The following CECR2 variants were observed in gnomAD, a reference collection of about 807,000 sequenced individuals.
The protein encoded by CECR2 is CECR2 histone acetyl-lysine reader, also known as chromatin remodeling regulator CECR2.
CECR2 carries 30 observed loss-of-function variants against 154.5 expected under a neutral mutation model. That is an observed-to-expected ratio of 0.19 (90% confidence interval 0.15 to 0.26). CECR2 has a LOEUF of 0.26. Among genes scored for constraint, CECR2 ranks in the 10% least tolerant of loss-of-function variants. The pLI is 1.00. For missense variants in CECR2, 1,743 were observed against 1,829.3 expected, an observed-to-expected ratio of 0.95 and a Z score of 0.86; for synonymous variants, 725 against 683.7, an observed-to-expected ratio of 1.06 and a Z score of -0.94.
rs73389123 is a variant in CECR2, at chr22:17,492,435, G to A, written c.222-4968G>A. ...TGTGCTGGAACACTTGAATCAGGTC[G>A]TGCCGTCCTTGGTCTCAGCAGTAGA... is the stretch of plus-strand genomic sequence containing the variant. On this transcript the variant is annotated intron_variant, in intron 2 of 18. Transcript: ENST00000262608. Among the ~76,000 whole-genome samples the A allele has an allele frequency of 6.2e-3, 947 of 152,274 alleles. 9 individuals are homozygous for A. Among genetic ancestry groups the A allele is most frequent in the African/African-American group, 0.022 (902 of 41,550 alleles).
In CECR2 at chr22:17,491,182, C is replaced by T. The variant is rs190754882; in HGVS notation, c.222-6221C>T. ...AATTCTGCCGCTTTGAACATTTGTG[C>T]GCAAGTCTTTGTGTGGATGTGTTTT... On this transcript the variant is annotated intron_variant, in intron 2 of 18. Coordinates refer to ENST00000262608, the MANE Select transcript of CECR2 (RefSeq NM_001290047.2). 1.4e-3 allele frequency among the ~76,000 whole-genome samples: 212 copies of T among 152,218 alleles called. 1 individual carries two copies. Among genetic ancestry groups the T allele is most frequent in the Non-Finnish European group, 2.0e-3 (139 of 68,024 alleles).
chr22:17,383,485 C>T (rs1471212358), intron 1 of CECR2, among the ~76,000 whole-genome samples: 3 of 152,142 alleles, frequency 2.0e-5, no homozygotes, highest in African/African-American at 7.2e-5. Flanking sequence ...ACAGCATCTT[C>T]ACCAGGAATA....
Position 17,548,432 on chromosome 22 carries a change from A to C in CECR2, c.3145A>C (p.Arg1049=). The C allele has an allele frequency of 6.2e-7, 1 of 1,614,002 alleles. No individual in the cohort carries two copies. The highest frequency in any genetic ancestry group is 8.5e-7 in the Non-Finnish European group (1 of 1,179,882). ...GAGAGACCTCTCCACGGTGGCAGAC[A>C]GGGGCGCTCTATCCGAGAACGGAGT... ...CVRDLSTVAD[R]GALSENGVIG... Residue 1049 remains arginine (R), a synonymous_variant, in exon 17 of 19, where the codon AGG becomes CGG. Coordinates refer to ENST00000262608, the MANE Select transcript of CECR2 (RefSeq NM_001290047.2).
rs556781461 is a variant in CECR2, at chr22:17,540,843, T to TGAGTTCATA, written c.1884+45_1884+53dup. ...GACTGTTGCGGTTTCTCCTAGTTTG[T>TGAGTTCATA]GAGTTCATAGTAATGTAGAGGCCAT... On this transcript the variant is annotated intron_variant, in intron 14 of 18. Transcript: ENST00000262608. The TGAGTTCATA allele has an allele frequency of 8.2e-5, 123 of 1,500,300 alleles. 2 individuals are homozygous for TGAGTTCATA. The East Asian group carries it at 1.5e-3, about 18-fold the overall frequency. The allele number at this position is 1,500,300 out of a possible 1,614,324, so 92.9% of individuals were successfully genotyped here.
At chr22:17,412,790 G>A (rs2054086556) in intron 1 of CECR2, among the ~76,000 whole-genome samples, 1 of 152,128 alleles carries the variant, frequency 6.6e-6, no homozygotes, top group South Asian at 2.1e-4. Context: ...CTGGGTGAGG[G>A]GGATGGAACC....
chr22:17,466,343 T>G (rs1411019167), intron 1 of CECR2, among the ~76,000 whole-genome samples: 1 of 152,224 alleles, frequency 6.6e-6, no homozygotes, highest in Non-Finnish European at 1.5e-5. Context: ...TAAGCAAATT[T>G]CTGTTACTCA....
intron 1 of CECR2, among the ~76,000 whole-genome samples, chr22:17,407,098 A>T (rs2053995715): frequency 6.6e-6 from 1 of 152,232 alleles, no homozygotes; most frequent in Non-Finnish European, 1.5e-5. Flanking sequence ...TTGAAGTTTA[A>T]TGGGAAGCTT....
At chr22:17,534,852 T>G (rs2056413509) in intron 9 of CECR2, 1 of 129,400 alleles carries the variant, frequency 7.7e-6, no homozygotes. Context: ...AGTGAAACTC[T>G]GTCTCAAAAA....
chr22:17,525,643 G>A (rs542411611), intron 9 of CECR2, among the ~76,000 whole-genome samples: 2 of 152,300 alleles, frequency 1.3e-5, no homozygotes, highest in African/African-American at 4.8e-5. Context: ...TAATCTACAG[G>A]TTTAGCCTGT....
At chr22:17,477,231 G>A in intron 1 of CECR2, 1 of 693,030 alleles carries the variant, frequency 1.4e-6, no homozygotes. Context: ...GATTAAAATA[G>A]CAGTACAGCA....
chr22:17,374,611 G>A lies in CECR2; in HGVS notation c.126+4702G>A, dbSNP rs75977515. 6.9e-3 allele frequency among the ~76,000 whole-genome samples: 1,050 copies of A among 152,310 alleles called. 18 individuals carry two copies. Among genetic ancestry groups the A allele is most frequent in the African/African-American group, 0.024 (1,009 of 41,562 alleles). On this transcript the variant is annotated intron_variant, in intron 1 of 18. Coordinates refer to ENST00000262608, the MANE Select transcript of CECR2 (RefSeq NM_001290047.2). The stretch of plus-strand genomic sequence containing the variant: ...TAAGTTGGCCCCAATTAGGGGTTCA[G>A]AAGCCTACTTTTGTGACACAAGATG...
chr22:17,422,351 C>G (rs1224095395), intron 1 of CECR2, among the ~76,000 whole-genome samples: 2 of 152,116 alleles, frequency 1.3e-5, no homozygotes, highest in Non-Finnish European at 2.9e-5. Flanking sequence ...GCGCGCGCCA[C>G]CAGGCCCAGC....
intron 7 of CECR2, among the ~76,000 whole-genome samples, chr22:17,506,182 C>T (rs1170506442): frequency 6.6e-6 from 1 of 151,970 alleles, no homozygotes; most frequent in African/African-American, 2.4e-5. Flanking sequence ...CTCTATTTCC[C>T]AAGCTGGAGT....
chr22:17,509,381 C>T (rs1439388304), intron 7 of CECR2, among the ~76,000 whole-genome samples: 1 of 151,766 alleles, frequency 6.6e-6, no homozygotes, highest in African/African-American at 2.4e-5. Context: ...TGTCCTGTCC[C>T]TTGGATAAGT....
At chr22:17,397,442 A>T (rs576136649) in intron 1 of CECR2, among the ~76,000 whole-genome samples, 9 of 152,034 alleles carry the variant, frequency 5.9e-5, no homozygotes, top group Non-Finnish European at 7.4e-5. Flanking sequence ...TTGAGCTTTT[A>T]TATAGGTTAA....
chr22:17,392,846 C>A (rs2063340032), intron 1 of CECR2, among the ~76,000 whole-genome samples: 1 of 152,094 alleles, frequency 6.6e-6, no homozygotes, highest in African/African-American at 2.4e-5. Context: ...TCAAGACCAG[C>A]CTGGCCAACA....
intron 11 of CECR2, 30 bp from the exon 12 acceptor site, chr22:17,538,610 G>A: frequency 6.2e-7 from 1 of 1,613,566 alleles, no homozygotes; most frequent in African/African-American, 1.3e-5. Context: ...TCCTCTGTGA[G>A]TGTGTTAAGA....
chr22:17,367,029 G>A (rs371459496), upstream of CECR2, among the ~76,000 whole-genome samples: 1 of 152,320 alleles, frequency 6.6e-6, no homozygotes, highest in East Asian at 1.9e-4. Context: ...AGAAGGAAAG[G>A]GCAGCAGAAG....
At chr22:17,502,128 C>T (rs551389417) in intron 5 of CECR2, among the ~76,000 whole-genome samples, 98 of 152,232 alleles carry the variant, frequency 6.4e-4, no homozygotes, top group Middle Eastern at 3.4e-3. Flanking sequence ...CATCCTAATG[C>T]GTTATACACT....
Sources: gnomAD v4.1 joint callset for allele counts (sites outside exome capture counted in the v4.1 genomes callset) on GRCh38, gnomAD v4.1.1 for gene constraint, MANE v1.5 for transcripts, NCBI Gene and HGNC (gene_info 2026-07-23, HGNC 2026-07-21) for gene names.